STARD13: variants seen among roughly 807,000 people sequenced by gnomAD.
STARD13 encodes the protein StAR related lipid transfer domain containing 13.
A neutral mutation model predicts 106.4 loss-of-function variants in STARD13; 62 were observed. The ratio of observed to expected loss-of-function variants is 0.58; its 90% CI spans 0.48 to 0.72. The LOEUF (loss-of-function observed/expected upper bound fraction) is 0.72. Among genes scored for constraint, STARD13 ranks in the 30% least tolerant of loss-of-function variants. The probability of loss-of-function intolerance (pLI) is 0.00; values close to 1 mark genes in which losing one functional copy is unlikely to be tolerated. For missense variants in STARD13, 1,387 were observed against 1,424.0 expected, an observed-to-expected ratio of 0.97 and a Z score of 0.42; for synonymous variants, 565 against 553.0, an observed-to-expected ratio of 1.02 and a Z score of -0.31.
chr13:33,576,903 T>C, the STARD13 span, among the ~76,000 whole-genome samples: 3 of 152,344 alleles, frequency 2.0e-5, no homozygotes, highest in Non-Finnish European at 4.4e-5. Flanking sequence ...GTGATTTTAA[T>C]AACTTAATGC....
the STARD13 span, among the ~76,000 whole-genome samples, chr13:33,501,974 C>T: frequency 1.8e-4 from 28 of 152,238 alleles, no homozygotes; most frequent in East Asian, 3.3e-3. Flanking sequence ...TTACCTTGGG[C>T]AGTATGACCA....
intron 1 of STARD13, among the ~76,000 whole-genome samples, chr13:33,213,609 T>C (rs911103769): frequency 6.6e-6 from 1 of 152,154 alleles, no homozygotes; most frequent in Admixed American, 6.5e-5. Flanking sequence ...CCAGGGAAAG[T>C]CAACAGTGAG....
At chr13:33,201,087 A>T (rs1887005058) in intron 1 of STARD13, among the ~76,000 whole-genome samples, 1 of 151,996 alleles carries the variant, frequency 6.6e-6, no homozygotes, top group African/African-American at 2.4e-5. Context: ...AAAAAAATAA[A>T]AAATAAAAAA....
the STARD13 span, among the ~76,000 whole-genome samples, chr13:33,565,005 GA>G: frequency 5.8e-5 from 8 of 138,416 alleles, no homozygotes; most frequent in Non-Finnish European, 3.1e-5. Flanking sequence ...AAAAAAAAAA[GA>G]AAAAAAGAAA....
the STARD13 span, among the ~76,000 whole-genome samples, chr13:33,622,061 T>C: frequency 6.6e-6 from 1 of 151,838 alleles, no homozygotes; most frequent in African/African-American, 2.4e-5. Context: ...CGCCTTAGCC[T>C]CCCAAAGTGC....
the STARD13 span, among the ~76,000 whole-genome samples, chr13:33,607,381 T>G: frequency 1.3e-5 from 2 of 150,342 alleles, no homozygotes; most frequent in African/African-American, 4.9e-5. Flanking sequence ...CACTGCAACC[T>G]CCGCCTCCTG....
intron 1 of STARD13, among the ~76,000 whole-genome samples, chr13:33,182,955 G>A (rs995010589): frequency 2.0e-5 from 3 of 152,314 alleles, no homozygotes; most frequent in Admixed American, 6.5e-5. Flanking sequence ...GAAGCTGCCC[G>A]GAGATCCCCA....
chr13:33,204,258 C>T (rs1331502786), intron 1 of STARD13, among the ~76,000 whole-genome samples: 2 of 151,684 alleles, frequency 1.3e-5, no homozygotes, highest in Non-Finnish European at 2.9e-5. Flanking sequence ...ATAGATGATT[C>T]CTTCACATGC....
At chr13:33,574,260 T>C in the STARD13 span, among the ~76,000 whole-genome samples, 1 of 152,202 alleles carries the variant, frequency 6.6e-6, no homozygotes, top group African/African-American at 2.4e-5. Flanking sequence ...GTTTGTTATA[T>C]TGATGTGGAA....
the STARD13 span, among the ~76,000 whole-genome samples, chr13:33,648,960 T>C: frequency 1.3e-5 from 2 of 151,702 alleles, no homozygotes; most frequent in African/African-American, 4.8e-5. Flanking sequence ...GCCCAGCTAA[T>C]TTTGTATTTT....
chr13:33,592,164 A>G, the STARD13 span, among the ~76,000 whole-genome samples: 1 of 152,190 alleles, frequency 6.6e-6, no homozygotes, highest in African/African-American at 2.4e-5. Flanking sequence ...ACAAAGGCAA[A>G]TGGTTTGTTG....
the STARD13 span, among the ~76,000 whole-genome samples, chr13:33,593,315 G>C: frequency 6.6e-6 from 1 of 152,062 alleles, no homozygotes; most frequent in Non-Finnish European, 1.5e-5. Flanking sequence ...CTCCGGAGTA[G>C]CTGGGATTAC....
chr13:33,604,970 T>C, the STARD13 span, among the ~76,000 whole-genome samples: 1 of 151,880 alleles, frequency 6.6e-6, no homozygotes, highest in East Asian at 1.9e-4. Flanking sequence ...GGCTGGGTGC[T>C]GTGGCTCTCA....
intron 1 of STARD13, among the ~76,000 whole-genome samples, chr13:33,202,522 A>G (rs1309089589): frequency 6.6e-6 from 1 of 152,240 alleles, no homozygotes; most frequent in Non-Finnish European, 1.5e-5. Flanking sequence ...TCAAAGCAGC[A>G]TGGTACCTGG....
the STARD13 span, among the ~76,000 whole-genome samples, chr13:33,495,453 CA>C: frequency 6.6e-6 from 1 of 152,102 alleles, no homozygotes; most frequent in East Asian, 1.9e-4. Flanking sequence ...TAAACATTTA[CA>C]AGGGGCAGCA....
chr13:33,121,258 A>G (rs1422445613), intron 7 of STARD13, among the ~76,000 whole-genome samples: 2 of 152,152 alleles, frequency 1.3e-5, no homozygotes, highest in African/African-American at 4.8e-5. Context: ...GTGGTTTCCA[A>G]TAATCATTTC....
At chr13:33,412,912 A>G in the STARD13 span, among the ~76,000 whole-genome samples, 1 of 152,224 alleles carries the variant, frequency 6.6e-6, no homozygotes, top group Non-Finnish European at 1.5e-5. Flanking sequence ...GACAGAAAAT[A>G]CACATGGATA....
the STARD13 span, among the ~76,000 whole-genome samples, chr13:33,665,006 A>G: frequency 6.6e-6 from 1 of 152,238 alleles, no homozygotes; most frequent in Non-Finnish European, 1.5e-5. Context: ...AATGTTTTGT[A>G]AACTGTGTTG....
In STARD13 at chr13:33,323,005, G is replaced by T. The variant is rs532028998; in HGVS notation, c.124+27285C>A. On this transcript the variant is annotated intron_variant, in intron 1 of 5. Transcript: ENST00000567873. The stretch of plus-strand genomic sequence containing the variant: ...AACATGGAGATAGAGACATAGGTAA[G>T]AACTGTAACAGAATAAGAGAAGAAA... Among the ~76,000 whole-genome samples the T allele has an allele frequency of 2.0e-5, 3 of 152,314 alleles. No individual in the cohort carries two copies. The South Asian group carries it at 6.2e-4, about 32-fold the overall frequency.
Sources: allele counts gnomAD v4.1 joint callset (sites outside exome capture counted in the v4.1 genomes callset), GRCh38; gene constraint gnomAD v4.1.1; transcripts MANE v1.5; gene names NCBI Gene and HGNC (gene_info 2026-07-23, HGNC 2026-07-21).